Variants in FAM149A observed in about 807,000 individuals in gnomAD.
FAM149A encodes the protein family with sequence similarity 149 member A.
A neutral mutation model predicts 78.2 loss-of-function variants in FAM149A; 71 were observed. The ratio of observed to expected loss-of-function variants is 0.91; its 90% CI spans 0.75 to 1.11. The LOEUF (loss-of-function observed/expected upper bound fraction) is 1.11. Among genes scored for constraint, FAM149A ranks in the 50% least tolerant of loss-of-function variants. FAM149A has a pLI of 0.00. For synonymous variants in FAM149A, 446 were observed against 410.5 expected (o/e 1.09, Z -1.04); for missense variants, 1,036 against 971.0 (o/e 1.07, Z -0.89).
intron 4 of FAM149A, among the ~76,000 whole-genome samples, chr4:186,153,025 T>TA (rs1733733200): frequency 6.9e-6 from 1 of 145,538 alleles, no homozygotes; most frequent in Non-Finnish European, 1.5e-5. Context: ...ACTAGGGTTG[T>TA]TTTTTTTTTT....
chr4:186,110,500 C>T lies in FAM149A; in HGVS notation c.566+4858C>T, dbSNP rs528030493. On this transcript the variant is annotated intron_variant, in intron 1 of 13. Transcript: ENST00000389354. ...TGCTGGTGCGCTGCACCCACTAACT[C>T]GTCATCTAGCATTAGGTATATCTCC... is the stretch of plus-strand genomic sequence containing the variant. Among the ~76,000 whole-genome samples, 37 of 144,402 alleles carry T rather than the reference C, an allele frequency of 2.6e-4. No individual in the cohort carries two copies. In the East Asian group the frequency reaches 6.5e-3, roughly 25 times the overall value. The allele number at this position is 144,402 out of a possible 152,430, so 94.7% of individuals were successfully genotyped here. A position where few individuals can be genotyped will look rare whatever the true frequency, so the allele number is the denominator to read the frequency against.
intron 1 of FAM149A, chr4:186,125,316 GT>G: frequency 1.0e-6 from 1 of 985,244 alleles, no homozygotes; most frequent in Non-Finnish European, 1.2e-6. Flanking sequence ...TATCTTTCTC[GT>G]TGGATGAACA....
Position 186,164,379 on chromosome 4 carries a change from T to G in FAM149A, c.1889+746T>G, listed in dbSNP as rs1032131312. 5.2e-6 allele frequency: 4 copies of G among 768,798 alleles called. No individual in the cohort carries two copies. The highest frequency in any genetic ancestry group is 4.7e-6 in the Non-Finnish European group (3 of 632,296). 47.6% of individuals were successfully genotyped at this position (768,798 alleles called of 1,614,324 possible). On this transcript the variant is annotated intron_variant, in intron 10 of 13. Transcript: ENST00000389354. This position sits in a 1 kb window ranked among gnomAD's most constrained non-coding sequence, Gnocchi z 4.0. ...CAGCCGGACACACCCACAAGTGCTC[T>G]CAGGCTTTAGAGACCACCCACTGGA...
chr4:186,130,861 T>C (rs562089714), intron 1 of FAM149A, among the ~76,000 whole-genome samples: 1 of 152,188 alleles, frequency 6.6e-6, no homozygotes, highest in Non-Finnish European at 1.5e-5. Flanking sequence ...TATTTGTACA[T>C]GGATGTTTGG....
intron 1 of FAM149A, chr4:186,109,142 C>T (rs1343759971): frequency 3.6e-5 from 35 of 985,154 alleles, no homozygotes; most frequent in East Asian, 1.1e-4. Flanking sequence ...CCACCGCGCC[C>T]GGCCGGTCTT....
chr4:186,104,717 G>A lies in FAM149A; in HGVS notation c.-360G>A, dbSNP rs1441953426. Among the ~76,000 whole-genome samples, 4 of 149,286 alleles carry A rather than the reference G, an allele frequency of 2.7e-5. No homozygotes were observed. The highest frequency in any genetic ancestry group is 1.0e-4 in the African/African-American group (4 of 40,148). On this transcript the variant is annotated 5_prime_UTR_variant, in exon 1 of 14. Transcript: ENST00000389354. ...TGGGGCCCAATTAGCCTGGAGCGCG[G>A]CCGGGTGTGTTGAACGTAGCAACCG...
chr4:186,170,367 G>A (rs964593271), intron 13 of FAM149A, among the ~76,000 whole-genome samples: 10 of 152,174 alleles, frequency 6.6e-5, no homozygotes, highest in Non-Finnish European at 1.0e-4. Flanking sequence ...AATAAAACAC[G>A]GAGCAGATAA....
intron 1 of FAM149A, among the ~76,000 whole-genome samples, chr4:186,128,368 G>A (rs1390215266): frequency 6.6e-6 from 1 of 151,834 alleles, no homozygotes; most frequent in African/African-American, 2.4e-5. Context: ...TGATACTGAG[G>A]TTAAGGACCA....
At chr4:186,128,270 T>C (rs745653747) in intron 1 of FAM149A, among the ~76,000 whole-genome samples, 130 of 152,104 alleles carry the variant, frequency 8.5e-4, no homozygotes, top group Non-Finnish European at 5.1e-4. Flanking sequence ...ATTACCGGCA[T>C]GAGTCACTGC....
In FAM149A at chr4:186,152,584, G is replaced by A. The variant is rs536604847; in HGVS notation, c.932+539G>A. On this transcript the variant is annotated intron_variant, in intron 4 of 13. Transcript: ENST00000389354. ...TTTTGAGATGGAGTCTTGCTCTGTC[G>A]CCCAGGCTGGAGTGCAGTGGCGCGA... Among the ~76,000 whole-genome samples the A allele has an allele frequency of 5.9e-3, 707 of 119,178 alleles. 10 individuals carry two copies. The highest frequency in any genetic ancestry group is 0.022 in the African/African-American group (664 of 30,164). 78.2% of individuals were successfully genotyped at this position (119,178 alleles called of 152,430 possible). A position where few individuals can be genotyped will look rare whatever the true frequency, so the allele number is the denominator to read the frequency against.
chr4:186,167,841 C>T (rs1192430510), intron 13 of FAM149A, among the ~76,000 whole-genome samples: 1 of 152,086 alleles, frequency 6.6e-6, no homozygotes, highest in African/African-American at 2.4e-5. Flanking sequence ...TGGATTTCCA[C>T]CCTCGCTCTG....
chr4:186,125,614 A>T (rs1392563786), intron 1 of FAM149A: 1 of 746,928 alleles, frequency 1.3e-6, no homozygotes, highest in African/African-American at 1.9e-5. Context: ...TCAACAGCAC[A>T]GGCTTGTTGT....
intron 3 of FAM149A, chr4:186,150,883 A>ACACCCG: frequency 1.2e-5 from 2 of 172,678 alleles, no homozygotes; most frequent in East Asian, 1.9e-4. Flanking sequence ...CGCCATGCCC[A>ACACCCG]GTTAATTTTT....
At chr4:186,122,444 T>A (rs575560687) in intron 1 of FAM149A, among the ~76,000 whole-genome samples, 1 of 152,324 alleles carries the variant, frequency 6.6e-6, no homozygotes, top group South Asian at 2.1e-4. Flanking sequence ...TCCTTAGATA[T>A]GATAACAGTT....
Position 186,151,937 on chromosome 4 carries a change from G to A in FAM149A, c.824G>A (p.Arg275Gln), listed in dbSNP as rs374715651. 77 of 1,613,964 alleles carry A rather than the reference G, an allele frequency of 4.8e-5. No individual in the cohort carries two copies. Among genetic ancestry groups the A allele is most frequent in the African/African-American group, 6.7e-5 (5 of 74,896 alleles). The change falls in exon 4 of 14, where the codon CGG (arginine) becomes CAG (glutamine). Residue 275 changes from arginine to glutamine, a missense_variant. Physicochemically the swap from Arg to Gln is conservative, Grantham distance 43. This residue lies in a region of FAM149A where 716 missense variants were observed against 711.8 expected (regional missense o/e 1.01). Coordinates refer to ENST00000389354, the MANE Select transcript of FAM149A (RefSeq NM_001367768.3). ...GAAGCCAGTTCACAGTCAGTGCAGC[G>A]GTTACTCTGGGAGGTGGAGGAAATG... is the stretch of plus-strand genomic sequence containing the variant.
Position 186,144,948 on chromosome 4 carries a change from C to A in FAM149A, c.567-4225C>A. On this transcript the variant is annotated intron_variant, in intron 1 of 13. Coordinates refer to ENST00000389354, the MANE Select transcript of FAM149A (RefSeq NM_001367768.3). This position sits in a 1 kb window ranked among gnomAD's most constrained non-coding sequence, Gnocchi z 4.2. ...CGGCGGGCGCGGGCGCGGGCGCGGGCGCGGGCGCGGGCGGGTGGGGAGCCC... is the reference window on the plus strand; with the variant it reads ...CGGCGGGCGCGGGCGCGGGCGCGGGAGCGGGCGCGGGCGGGTGGGGAGCCC... The A allele has an allele frequency of 1.1e-6, 1 of 876,452 alleles. No individual in the cohort carries two copies. The highest frequency in any genetic ancestry group is 5.5e-5 in the South Asian group (1 of 18,054). The allele number at this position is 876,452 out of a possible 1,614,324, so 54.3% of individuals were successfully genotyped here. A position where few individuals can be genotyped will look rare whatever the true frequency, so the allele number is the denominator to read the frequency against.
intron 1 of FAM149A, among the ~76,000 whole-genome samples, chr4:186,124,911 C>T (rs1409424911): frequency 1.3e-5 from 2 of 152,156 alleles, no homozygotes. Flanking sequence ...TTCTCCACAT[C>T]CTCTCCAGCA....
intron 1 of FAM149A, among the ~76,000 whole-genome samples, chr4:186,131,217 A>G (rs1216837072): frequency 1.3e-5 from 2 of 152,106 alleles, no homozygotes; most frequent in Non-Finnish European, 2.9e-5. Flanking sequence ...GTGTGGGGGC[A>G]CATGCCTGTA....
chr4:186,166,820 G>T (rs1735070548), intron 11 of FAM149A, 148 bp from the exon 12 acceptor site: 1 of 634,558 alleles, frequency 1.6e-6, no homozygotes, highest in Non-Finnish European at 2.8e-6. Context: ...ATTTCTTCAG[G>T]TATTTATCCT....
Sources: allele counts gnomAD v4.1 joint callset (sites outside exome capture counted in the v4.1 genomes callset), GRCh38; gene constraint gnomAD v4.1.1; regional missense constraint gnomAD v4.1.1; non-coding constraint Gnocchi (gnomAD v3.1); transcripts MANE v1.5; gene names NCBI Gene and HGNC (gene_info 2026-07-23, HGNC 2026-07-21).